The following PPARGC1A variants were observed in gnomAD, a reference collection of about 807,000 sequenced individuals.
PPARGC1A encodes peroxisome proliferator-activated receptor gamma coactivator 1-alpha.
Under a neutral mutation model 88.7 loss-of-function variants are expected in PPARGC1A, and 25 were observed. The ratio of observed to expected loss-of-function variants is 0.28; its 90% CI spans 0.21 to 0.39. The LOEUF (loss-of-function observed/expected upper bound fraction) is 0.39, where lower values mean the gene tolerates loss of function less well. Among genes scored for constraint, PPARGC1A ranks in the 10% least tolerant of loss-of-function variants. The pLI is 1.00. For synonymous variants in PPARGC1A, 363 were observed against 355.6 expected, an observed-to-expected ratio of 1.02 and a Z score of -0.24; for missense variants, 880 against 968.7, an observed-to-expected ratio of 0.91 and a Z score of 1.22.
At chr4:24,157,935 A>G in the PPARGC1A span, among the ~76,000 whole-genome samples, 2 of 151,790 alleles carry the variant, frequency 1.3e-5, no homozygotes, top group South Asian at 4.2e-4. Context: ...TTAAAAAACC[A>G]CTCCCCCAAC....
the PPARGC1A span, among the ~76,000 whole-genome samples, chr4:24,041,064 A>G: frequency 6.6e-6 from 1 of 152,284 alleles, no homozygotes; most frequent in Middle Eastern, 3.4e-3. Context: ...TTGGGATTAT[A>G]ATGAAACATG....
chr4:24,016,755 T>G, the PPARGC1A span, among the ~76,000 whole-genome samples: 1 of 152,196 alleles, frequency 6.6e-6, no homozygotes, highest in South Asian at 2.1e-4. Flanking sequence ...CTCCTAAGGT[T>G]AAGACAATGA....
chr4:24,033,584 A>G, the PPARGC1A span, among the ~76,000 whole-genome samples: 15 of 152,238 alleles, frequency 9.9e-5, no homozygotes, highest in African/African-American at 3.4e-4. Context: ...TTTAGAATTG[A>G]AAGAACACAT....
the PPARGC1A span, among the ~76,000 whole-genome samples, chr4:24,436,386 G>A: frequency 6.6e-6 from 1 of 152,266 alleles, no homozygotes; most frequent in Middle Eastern, 3.2e-3. Context: ...CAGGTGAGCA[G>A]AGGTGGCCAA....
In PPARGC1A at chr4:23,823,449, A is replaced by G. The variant is rs189915851; in HGVS notation, c.877+831T>C. On this transcript the variant is annotated intron_variant, in intron 7 of 12. Coordinates refer to ENST00000264867, the MANE Select transcript of PPARGC1A (RefSeq NM_013261.5). ...AATGTATATTTTTGTGTTTTAAGCA[A>G]AGGTAAAATAAAACAGTATAAGCTT... 2.7e-3 allele frequency among the ~76,000 whole-genome samples: 413 copies of G among 152,186 alleles called. 1 individual carries two copies. The highest frequency in any genetic ancestry group is 9.2e-3 in the African/African-American group (381 of 41,570).
chr4:24,093,490 C>T, the PPARGC1A span, among the ~76,000 whole-genome samples: 2 of 152,088 alleles, frequency 1.3e-5, no homozygotes, highest in South Asian at 4.1e-4. Context: ...CCAGTTCCTC[C>T]CTTTTACTGA....
the PPARGC1A span, among the ~76,000 whole-genome samples, chr4:24,275,233 C>G: frequency 6.6e-6 from 1 of 152,098 alleles, no homozygotes; most frequent in African/African-American, 2.4e-5. Context: ...CGTTTACTTA[C>G]ACACAGCACA....
At chr4:24,253,090 T>C in the PPARGC1A span, among the ~76,000 whole-genome samples, 58,894 of 151,982 alleles carry the variant, frequency 0.39, 12,033 homozygotes, top group Non-Finnish European at 0.46. Context: ...AAAAAGTCTC[T>C]CCTCTGCAAA....
At chr4:24,418,120 G>A in the PPARGC1A span, among the ~76,000 whole-genome samples, 2 of 152,056 alleles carry the variant, frequency 1.3e-5, no homozygotes, top group Non-Finnish European at 2.9e-5. Context: ...TAAATCTAAA[G>A]TGAGAAAACC....
the PPARGC1A span, among the ~76,000 whole-genome samples, chr4:24,394,895 T>A: frequency 1.3e-5 from 2 of 152,250 alleles, no homozygotes; most frequent in African/African-American, 4.8e-5. Flanking sequence ...TAATCACTAT[T>A]GCTTAAAAGC....
At chr4:24,373,043 A>G in the PPARGC1A span, among the ~76,000 whole-genome samples, 1 of 152,162 alleles carries the variant, frequency 6.6e-6, no homozygotes, top group Non-Finnish European at 1.5e-5. Context: ...CTTCCCTCCC[A>G]TCGGCTGCAC....
chr4:24,228,324 G>C, the PPARGC1A span, among the ~76,000 whole-genome samples: 205 of 152,286 alleles, frequency 1.3e-3, no homozygotes, highest in Non-Finnish European at 1.9e-3. Flanking sequence ...AAAAAAGGAA[G>C]AAATTATATC....
At chr4:24,413,573 G>A in the PPARGC1A span, among the ~76,000 whole-genome samples, 1 of 152,118 alleles carries the variant, frequency 6.6e-6, no homozygotes, top group Non-Finnish European at 1.5e-5. Context: ...TTCTTTAGCC[G>A]GCTGGGATCC....
chr4:24,118,262 G>T, the PPARGC1A span, among the ~76,000 whole-genome samples: 1 of 152,138 alleles, frequency 6.6e-6, no homozygotes, highest in Non-Finnish European at 1.5e-5. Flanking sequence ...CAGCAGCTCT[G>T]ATTTTCTTGT....
the PPARGC1A span, among the ~76,000 whole-genome samples, chr4:23,921,046 C>G: frequency 6.6e-6 from 1 of 152,022 alleles, no homozygotes; most frequent in Non-Finnish European, 1.5e-5. Context: ...TCCCGTGCCA[C>G]CCCCCACCCA....
the PPARGC1A span, among the ~76,000 whole-genome samples, chr4:23,991,372 A>C: frequency 1.2e-4 from 18 of 152,142 alleles, no homozygotes; most frequent in South Asian, 2.1e-4. Flanking sequence ...ATCTAGAATT[A>C]ACAAAAATCA....
the PPARGC1A span, among the ~76,000 whole-genome samples, chr4:24,197,237 A>G: frequency 6.6e-6 from 1 of 152,224 alleles, no homozygotes; most frequent in South Asian, 2.1e-4. Flanking sequence ...GCTATTTTCC[A>G]GGGCATGAAA....
chr4:24,272,967 G>GAAGGAATAA, the PPARGC1A span, among the ~76,000 whole-genome samples: 1 of 152,142 alleles, frequency 6.6e-6, no homozygotes, highest in African/African-American at 2.4e-5. Context: ...ATTTTAAAGG[G>GAAGGAATAA]AAGGAATAAA....
the PPARGC1A span, among the ~76,000 whole-genome samples, chr4:24,389,110 C>A: frequency 6.6e-6 from 1 of 151,984 alleles, no homozygotes; most frequent in Non-Finnish European, 1.5e-5. Context: ...ATACTATTTA[C>A]AGTAGTAAAT....
Sources: gnomAD v4.1 joint callset for allele counts (sites outside exome capture counted in the v4.1 genomes callset) on GRCh38, gnomAD v4.1.1 for gene constraint, MANE v1.5 for transcripts, NCBI Gene and HGNC (gene_info 2026-07-23, HGNC 2026-07-21) for gene names.